The following TRPM3 variants were observed in gnomAD, a reference collection of about 807,000 sequenced individuals.
The protein encoded by TRPM3 is transient receptor potential cation channel subfamily M member 3.
In TRPM3, 77 loss-of-function variants were observed where a neutral mutation model predicts 181.2. That is an observed-to-expected ratio of 0.42 (90% CI 0.35 to 0.51). The LOEUF is 0.51. Ranked by LOEUF, TRPM3 falls within the 20% of genes least tolerant of loss-of-function variation. The pLI, the probability that TRPM3 is intolerant of heterozygous loss-of-function variation, is 0.01. For missense variants in TRPM3, 1,759 were observed against 2,196.7 expected (o/e 0.80, Z 3.98); for synonymous variants, 745 against 796.4 (o/e 0.94, Z 1.09).
At chr9:71,286,757 T>G (rs1006474333) in intron 1 of TRPM3, among the ~76,000 whole-genome samples, 1 of 151,644 alleles carries the variant, frequency 6.6e-6, no homozygotes, top group Non-Finnish European at 1.5e-5. Context: ...CTTGTACCAA[T>G]CTACCCCTTG....
chr9:70,909,779 C>T (rs1213655042), intron 1 of TRPM3, among the ~76,000 whole-genome samples: 1 of 152,134 alleles, frequency 6.6e-6, no homozygotes, highest in Non-Finnish European at 1.5e-5. Flanking sequence ...TTATTTAGGT[C>T]AGTGCAAAAG....
At chr9:70,806,099 G>A (rs970443368) in intron 6 of TRPM3, among the ~76,000 whole-genome samples, 1 of 152,114 alleles carries the variant, frequency 6.6e-6, no homozygotes, top group Non-Finnish European at 1.5e-5. Flanking sequence ...ACCCAGCGAC[G>A]CCAAGGCTCC....
rs115606555 is a variant in TRPM3 at position 70,766,373 on chromosome 9, A to G, written c.1149-4649T>C. Among the ~76,000 whole-genome samples, 1,422 of 152,296 alleles carry G rather than the reference A, an allele frequency of 9.3e-3. 30 individuals carry two copies. The highest frequency in any genetic ancestry group is 0.033 in the African/African-American group (1,355 of 41,566). On this transcript the variant is annotated intron_variant, in intron 7 of 25. Transcript: ENST00000677713. ...CCTAGATTTAAAAATTAGGAAATGC[A>G]TTTAGAATTCAATGGGAATCTAAGA...
chr9:70,846,315 A>C (rs1166821468), intron 4 of TRPM3, 63 bp downstream of exon 4: 2 of 1,491,008 alleles, frequency 1.3e-6, no homozygotes, highest in African/African-American at 2.8e-5. Flanking sequence ...CTTAGCAGAA[A>C]ATTACATCAG....
chr9:70,656,917 T>TA lies in TRPM3; in HGVS notation c.1346-16258dup, dbSNP rs1053669036. 3.9e-5 allele frequency among the ~76,000 whole-genome samples: 5 copies of TA among 126,888 alleles called. No individual in the cohort carries two copies. The South Asian group carries it at 7.6e-4, about 19-fold the overall frequency. The allele number at this position is 126,888 out of a possible 152,430, so 83.2% of individuals were successfully genotyped here. Reference sequence around the variant, plus strand: ...AATAAGAGAGATGTAAAGAAAGTTATAAAAAAAAGTGTTTTTTTTTTGGTA... The same window carrying TA: ...AATAAGAGAGATGTAAAGAAAGTTATAAAAAAAAAGTGTTTTTTTTTTGGTA... On this transcript the variant is annotated intron_variant, in intron 9 of 25. Coordinates refer to ENST00000677713, the MANE Select transcript of TRPM3 (RefSeq NM_001366145.2).
intron 1 of TRPM3, among the ~76,000 whole-genome samples, chr9:71,275,013 A>C (rs2084084765): frequency 6.6e-6 from 1 of 152,208 alleles, no homozygotes; most frequent in Non-Finnish European, 1.5e-5. Context: ...CCCTGCTATC[A>C]CCATTTCTGT....
At chr9:71,193,455 A>G (rs1009455962) in intron 1 of TRPM3, among the ~76,000 whole-genome samples, 1 of 151,484 alleles carries the variant, frequency 6.6e-6, no homozygotes, top group Non-Finnish European at 1.5e-5. Context: ...AAATCCCCAA[A>G]TCTCCCATTT....
intron 1 of TRPM3, among the ~76,000 whole-genome samples, chr9:70,972,433 G>T (rs760810280): frequency 6.6e-6 from 1 of 152,152 alleles, no homozygotes; most frequent in African/African-American, 2.4e-5. Flanking sequence ...GGCAAATCTA[G>T]ATATAGAAAG....
At chr9:71,130,024 T>C (rs1281608727) in intron 1 of TRPM3, among the ~76,000 whole-genome samples, 4 of 152,194 alleles carry the variant, frequency 2.6e-5, no homozygotes, top group East Asian at 1.9e-4. Context: ...AAATAACTTA[T>C]ATGATTTTTT....
chr9:70,937,394 C>G (rs1339508471), intron 1 of TRPM3, among the ~76,000 whole-genome samples: 1 of 152,122 alleles, frequency 6.6e-6, no homozygotes, highest in East Asian at 1.9e-4. Flanking sequence ...GCAGTCTTTT[C>G]AAGTTCTGAA....
chr9:71,278,930 C>G (rs1243199084), intron 1 of TRPM3, among the ~76,000 whole-genome samples: 1 of 151,796 alleles, frequency 6.6e-6, no homozygotes, highest in South Asian at 2.1e-4. Flanking sequence ...CAATGATAAT[C>G]AAAGAAATGC....
intron 8 of TRPM3, among the ~76,000 whole-genome samples, chr9:70,756,806 G>A (rs1169056123): frequency 1.3e-5 from 2 of 152,048 alleles, no homozygotes; most frequent in Admixed American, 6.6e-5. Flanking sequence ...AAGACACAAC[G>A]TACCAGAATC....
intron 1 of TRPM3, among the ~76,000 whole-genome samples, chr9:71,172,451 G>A (rs1303518710): frequency 6.6e-6 from 1 of 151,560 alleles, no homozygotes; most frequent in Non-Finnish European, 1.5e-5. Flanking sequence ...TTTCACCCAA[G>A]CTGGAGTGCA....
intron 1 of TRPM3, among the ~76,000 whole-genome samples, chr9:70,983,515 A>T (rs1230808283): frequency 2.0e-5 from 3 of 152,212 alleles, no homozygotes; most frequent in Non-Finnish European, 4.4e-5. Flanking sequence ...CAGAGCATGC[A>T]AAGAAGAATA....
At chr9:71,211,834 C>T (rs2079523783) in intron 1 of TRPM3, among the ~76,000 whole-genome samples, 1 of 152,176 alleles carries the variant, frequency 6.6e-6, no homozygotes, top group Admixed American at 6.5e-5. Context: ...CTGCAATGAT[C>T]CGATTTCCAA....
intron 1 of TRPM3, among the ~76,000 whole-genome samples, chr9:71,220,925 TC>T (rs1005714716): frequency 2.2e-4 from 33 of 152,036 alleles, no homozygotes; most frequent in African/African-American, 7.5e-4. Context: ...TGTATGCAAA[TC>T]AGTTGTTTTC....
chr9:71,411,267 A>T lies in TRPM3; in HGVS notation c.183+35386T>A, dbSNP rs750403531. ...GTTCTGGCCAGGGCCATCAGACAGGAGAAAGAAATAAAGGATATTCAATTA... is the reference window on the plus strand; with the variant it reads ...GTTCTGGCCAGGGCCATCAGACAGGTGAAAGAAATAAAGGATATTCAATTA... On this transcript the variant is annotated intron_variant, in intron 1 of 24. Coordinates refer to the TRPM3 transcript ENST00000357533. 1.9e-4 allele frequency among the ~76,000 whole-genome samples: 29 copies of T among 152,374 alleles called. 1 individual carries two copies. Among genetic ancestry groups the T allele is most frequent in the African/African-American group, 7.0e-4 (29 of 41,594 alleles).
intron 20 of TRPM3, among the ~76,000 whole-genome samples, chr9:70,601,080 G>A (rs985489634): frequency 4.6e-5 from 7 of 152,072 alleles, no homozygotes; most frequent in African/African-American, 1.7e-4. Flanking sequence ...GTCTAGGGAC[G>A]GATCTGTCAG....
At chr9:71,282,095 AAG>A (rs1244176673) in intron 1 of TRPM3, among the ~76,000 whole-genome samples, 3 of 113,834 alleles carry the variant, frequency 2.6e-5, no homozygotes, top group Non-Finnish European at 3.8e-5. Flanking sequence ...GAAAGAGAGA[AAG>A]AAAGAAAAGA....
Sources: gnomAD v4.1 joint callset for allele counts (sites outside exome capture counted in the v4.1 genomes callset) on GRCh38, gnomAD v4.1.1 for gene constraint, MANE v1.5 for transcripts, NCBI Gene and HGNC (gene_info 2026-07-23, HGNC 2026-07-21) for gene names.